TBC1D32: variants seen among roughly 807,000 people sequenced by gnomAD.
TBC1D32 encodes the protein protein broad-minded.
In TBC1D32, 151 loss-of-function variants were observed where a neutral mutation model predicts 170.3. That is an observed-to-expected ratio of 0.89 (90% CI 0.78 to 1.01). The LOEUF (loss-of-function observed/expected upper bound fraction) is 1.01. Ranked by LOEUF, TBC1D32 falls within the 50% of genes least tolerant of loss-of-function variation. The pLI is 0.00. For missense variants in TBC1D32, 1,464 were observed against 1,457.1 expected, an observed-to-expected ratio of 1.00 and a Z score of -0.08; for synonymous variants, 498 against 488.0, an observed-to-expected ratio of 1.02 and a Z score of -0.27.
At chr6:121,173,595 G>A (rs1562766675) in intron 22 of TBC1D32, among the ~76,000 whole-genome samples, 1 of 151,816 alleles carries the variant, frequency 6.6e-6, no homozygotes, top group African/African-American at 2.4e-5. Flanking sequence ...CCAAGAAGCA[G>A]AAGGAGCACA....
intron 29 of TBC1D32, among the ~76,000 whole-genome samples, chr6:121,106,733 A>C (rs1164799551): frequency 6.6e-6 from 1 of 152,020 alleles, no homozygotes; most frequent in Non-Finnish European, 1.5e-5. Context: ...AGAAGTGCAC[A>C]AGGCATTCCC....
chr6:121,161,276 C>T (rs564081973), intron 22 of TBC1D32, among the ~76,000 whole-genome samples: 8 of 152,218 alleles, frequency 5.3e-5, no homozygotes, highest in Admixed American at 1.3e-4. Flanking sequence ...TGGTGGTTTG[C>T]TGCACAGATC....
At chr6:121,137,953 A>T (rs1177572872) in intron 24 of TBC1D32, among the ~76,000 whole-genome samples, 2 of 152,142 alleles carry the variant, frequency 1.3e-5, no homozygotes, top group Non-Finnish European at 2.9e-5. Context: ...TTTATAAACT[A>T]GCAAGAGATT....
chr6:121,304,404 T>C lies in TBC1D32; in HGVS notation c.896A>G (p.Gln299Arg). 6.2e-7 allele frequency: 1 copy of C among 1,613,514 alleles called. No homozygotes were observed. The highest frequency in any genetic ancestry group is 8.5e-7 in the Non-Finnish European group (1 of 1,179,686). Residue 299 changes from glutamine to arginine, a missense_variant, in exon 8 of 32, where the codon CAG (glutamine) becomes CGG (arginine). Around this residue, in one of 3 missense-constraint regions of TBC1D32, gnomAD observed 1,363 missense variants for 1,338.1 expected, o/e 1.02. Transcript: ENST00000398212. ...LKKVRLLNEY[Q>R]KEAPSFWIRH... ...AATCCAGAAAGATGGAGCTTCTTTC[T>C]GATATTCATTTAGAAGACGAACCTA...
At chr6:121,326,230 CA>C (rs900822670) in intron 1 of TBC1D32, among the ~76,000 whole-genome samples, 1 of 151,876 alleles carries the variant, frequency 6.6e-6, no homozygotes, top group Middle Eastern at 3.2e-3. Context: ...AAAGACACAT[CA>C]AAAAAATCCC....
chr6:121,296,931 CTT>C (rs1805729443), intron 10 of TBC1D32, among the ~76,000 whole-genome samples: 1 of 152,050 alleles, frequency 6.6e-6, no homozygotes, highest in Admixed American at 6.6e-5. Flanking sequence ...CTCAAAGACT[CTT>C]TCGTTCATTT....
chr6:121,095,835 G>A (rs1406694505), intron 30 of TBC1D32: 5 of 152,144 alleles, frequency 3.3e-5, no homozygotes, highest in Non-Finnish European at 5.9e-5. Flanking sequence ...TGCTTTGCCA[G>A]TATTTTATTG....
At chr6:121,291,536 T>C (rs985789646) in intron 12 of TBC1D32, among the ~76,000 whole-genome samples, 13 of 151,650 alleles carry the variant, frequency 8.6e-5, no homozygotes, top group African/African-American at 3.1e-4. Context: ...ACTAACAGCA[T>C]GTGCTGAAGT....
At position 121,204,937 on chromosome 6, in the gene TBC1D32, T is replaced by C; in HGVS notation, c.2570+138A>G. On this transcript the variant is annotated intron_variant, in intron 22 of 31. Transcript: ENST00000398212. ...GCCTTAATTTACTTTGTTTATAATG[T>C]TACAGGAAGACAAATTACCTTTAAG... The C allele has an allele frequency of 4.1e-6, 2 of 492,862 alleles. 1 individual carries two copies. Among genetic ancestry groups the C allele is most frequent in the South Asian group, 6.9e-5 (2 of 28,960 alleles). 30.5% of individuals were successfully genotyped at this position (492,862 alleles called of 1,614,324 possible).
intron 20 of TBC1D32, among the ~76,000 whole-genome samples, chr6:121,229,205 C>G (rs1319870579): frequency 6.6e-6 from 1 of 152,138 alleles, no homozygotes; most frequent in Non-Finnish European, 1.5e-5. Context: ...CACCCAGTAT[C>G]CTGACCTTTA....
intron 26 of TBC1D32, among the ~76,000 whole-genome samples, chr6:121,125,633 C>T (rs1016845424): frequency 6.6e-6 from 1 of 152,068 alleles, no homozygotes; most frequent in African/African-American, 2.4e-5. Context: ...ATCATGCTGG[C>T]TCAGATGTGC....
Position 121,304,638 on chromosome 6 carries a change from G to A in TBC1D32, c.770-13C>T. 6.3e-7 allele frequency: 1 copy of A among 1,576,566 alleles called. No homozygotes were observed. The highest frequency in any genetic ancestry group is 8.6e-7 in the Non-Finnish European group (1 of 1,158,978). On this transcript the variant is annotated splice_polypyrimidine_tract_variant and intron_variant, in intron 6 of 31. Coordinates refer to ENST00000398212, the MANE Select transcript of TBC1D32 (RefSeq NM_152730.6). ...TCCAAATACTTAGCTGAAAAAAAAG[G>A]GAAAACATAAAATTACATCATTCAT...
chr6:121,151,756 T>C (rs1336772683), intron 24 of TBC1D32, among the ~76,000 whole-genome samples: 2 of 152,244 alleles, frequency 1.3e-5, no homozygotes, highest in East Asian at 3.8e-4. Context: ...CATTATGTAA[T>C]GCCCTTCATT....
chr6:121,267,272 C>G (rs1199056442), intron 15 of TBC1D32, among the ~76,000 whole-genome samples: 1 of 152,058 alleles, frequency 6.6e-6, no homozygotes, highest in Non-Finnish European at 1.5e-5. Context: ...TGGGGCTTGT[C>G]GTACACTGGG....
chr6:121,307,994 A>T lies in TBC1D32; in HGVS notation c.672T>A (p.Asp224Glu), dbSNP rs547748116. 2 of 1,613,634 alleles carry T rather than the reference A, an allele frequency of 1.2e-6. No individual in the cohort carries two copies. Among genetic ancestry groups the T allele is most frequent in the African/African-American group, 2.7e-5 (2 of 75,046 alleles). ...LCEKLTVSLS[D>E]PDPVFSDRIL... is the part of the protein sequence containing the mutation. ...TTCTTACACTAAACACAGGATCAGG[A>T]TCTGAAAGAGACACGGTCAGTTTTT... Residue 224 changes from aspartate to glutamate, a missense_variant, in exon 5 of 32, where the codon GAT becomes GAA. Coordinates refer to ENST00000398212, the MANE Select transcript of TBC1D32 (RefSeq NM_152730.6).
intron 20 of TBC1D32, among the ~76,000 whole-genome samples, chr6:121,235,551 C>T (rs1326048457): frequency 1.3e-5 from 2 of 152,174 alleles, no homozygotes; most frequent in Non-Finnish European, 1.5e-5. Context: ...TCACCAGCCT[C>T]ACCATGCTCT....
At chr6:121,225,166 A>G (rs1794924293) in intron 20 of TBC1D32, among the ~76,000 whole-genome samples, 1 of 152,048 alleles carries the variant, frequency 6.6e-6, no homozygotes, top group Admixed American at 6.6e-5. Flanking sequence ...ATAGTCACCT[A>G]GGAAACTACT....
intron 30 of TBC1D32, among the ~76,000 whole-genome samples, chr6:121,096,536 G>A (rs1215520939): frequency 1.3e-5 from 2 of 152,070 alleles, no homozygotes; most frequent in Non-Finnish European, 2.9e-5. Flanking sequence ...ACTGATCAAG[G>A]AAATAAGAGA....
At chr6:121,224,632 T>G (rs1439829185) in intron 20 of TBC1D32, among the ~76,000 whole-genome samples, 2 of 152,088 alleles carry the variant, frequency 1.3e-5, no homozygotes, top group Non-Finnish European at 2.9e-5. Context: ...CATTAGAAAT[T>G]ATAATATAAT....
Sources: gnomAD v4.1 joint callset for allele counts (sites outside exome capture counted in the v4.1 genomes callset) on GRCh38, gnomAD v4.1.1 for gene constraint, gnomAD v4.1.1 regional missense constraint, MANE v1.5 for transcripts, NCBI Gene and HGNC (gene_info 2026-07-23, HGNC 2026-07-21) for gene names.